FAM53A: variants seen among roughly 807,000 people sequenced by gnomAD.
FAM53A encodes protein FAM53A.
Under a neutral mutation model 26.6 loss-of-function variants are expected in FAM53A, and 28 were observed. That is an observed-to-expected ratio of 1.05 (90% CI 0.78 to 1.45). The LOEUF (loss-of-function observed/expected upper bound fraction) is 1.45, where lower values mean the gene tolerates loss of function less well. Ranked by LOEUF, FAM53A falls within the 40% of genes most tolerant of loss-of-function variation. The pLI is 0.00. For missense variants in FAM53A, 650 were observed against 575.8 expected, an observed-to-expected ratio of 1.13 and a Z score of -1.32; for synonymous variants, 290 against 253.1, an observed-to-expected ratio of 1.15 and a Z score of -1.38.
the FAM53A span, among the ~76,000 whole-genome samples, chr4:1,594,914 G>A: frequency 6.6e-6 from 1 of 152,236 alleles, no homozygotes; most frequent in African/African-American, 2.4e-5. Flanking sequence ...ATTGCCGCCA[G>A]GAAGGAGCTC....
chr4:1,602,480 G>A, the FAM53A span, among the ~76,000 whole-genome samples: 4 of 152,222 alleles, frequency 2.6e-5, no homozygotes, highest in South Asian at 2.1e-4. Context: ...TAAATGAATC[G>A]CTGACCTTTC....
chr4:1,619,426 C>T (rs1277777110), intron 1 of FAM53A, among the ~76,000 whole-genome samples: 3 of 152,210 alleles, frequency 2.0e-5, no homozygotes, highest in Non-Finnish European at 4.4e-5. Flanking sequence ...GCCTGGGCTC[C>T]CTTGCCCAGC....
downstream of FAM53A, among the ~76,000 whole-genome samples, chr4:1,617,659 A>G (rs772172760): frequency 1.3e-5 from 2 of 151,884 alleles, no homozygotes; most frequent in Admixed American, 6.6e-5. Context: ...CACTGTTTCC[A>G]TTTCTGTTCC....
At chr4:1,651,889 A>G (rs1020726500) in intron 4 of FAM53A, among the ~76,000 whole-genome samples, 4 of 152,092 alleles carry the variant, frequency 2.6e-5, no homozygotes, top group Middle Eastern at 3.4e-3. Flanking sequence ...TCACGGCTCC[A>G]GTTCCCACAC....
chr4:1,657,552 G>A (rs1460986035), intron 2 of FAM53A, 84 bp from the exon 3 acceptor site: 29 of 1,122,120 alleles, frequency 2.6e-5, no homozygotes, highest in Non-Finnish European at 3.4e-5. Flanking sequence ...ACTGCAGCAC[G>A]TTCTACCTTT....
At chr4:1,614,992 C>T (rs962867230), downstream of FAM53A, among the ~76,000 whole-genome samples, 11 of 152,252 alleles carry the variant, frequency 7.2e-5, no homozygotes, top group Non-Finnish European at 1.3e-4. Context: ...ACATGGCACA[C>T]GCAAACCACA....
chr4:1,644,242 A>C, intron 4 of FAM53A: 1 of 1,536,028 alleles, frequency 6.5e-7, no homozygotes, highest in Non-Finnish European at 8.7e-7. Flanking sequence ...GTTTTCATTC[A>C]GAGTCGACCC....
At chr4:1,682,131 T>G (rs1254420709) in intron 1 of FAM53A, among the ~76,000 whole-genome samples, 1 of 152,210 alleles carries the variant, frequency 6.6e-6, no homozygotes, top group Non-Finnish European at 1.5e-5. Context: ...ATGTGAGAGT[T>G]CCTGAGTCCC....
At chr4:1,574,604 CCT>C in the FAM53A span, 2 of 152,416 alleles carry the variant, frequency 1.3e-5, no homozygotes, top group Non-Finnish European at 2.9e-5. Context: ...TGCCCCCACG[CCT>C]CTCTTCCTCT....
downstream of FAM53A, among the ~76,000 whole-genome samples, chr4:1,616,750 G>A (rs144173698): frequency 2.9e-3 from 439 of 152,346 alleles, 3 homozygotes; most frequent in African/African-American, 0.01. Context: ...GCTTCGGTCT[G>A]TCCCGCGGAG....
the FAM53A span, among the ~76,000 whole-genome samples, chr4:1,612,624 C>G: frequency 6.6e-6 from 1 of 152,260 alleles, no homozygotes; most frequent in African/African-American, 2.4e-5. Context: ...CAGATGCATA[C>G]AAGCCTGGTG....
intron 4 of FAM53A, among the ~76,000 whole-genome samples, chr4:1,652,945 C>T (rs1171722054): frequency 6.6e-6 from 1 of 151,172 alleles, no homozygotes; most frequent in Non-Finnish European, 1.5e-5. Flanking sequence ...CCCCACCACA[C>T]ACATACCACA....
At chr4:1,590,634 A>G in the FAM53A span, among the ~76,000 whole-genome samples, 1 of 151,926 alleles carries the variant, frequency 6.6e-6, no homozygotes, top group Non-Finnish European at 1.5e-5. Context: ...ATCCGTTCCC[A>G]ATATTTGAAA....
chr4:1,648,645 C>A (rs1712456661), intron 4 of FAM53A, among the ~76,000 whole-genome samples: 1 of 152,164 alleles, frequency 6.6e-6, no homozygotes, highest in Admixed American at 6.5e-5. Context: ...AGCAAGCAGA[C>A]CAAAGCGGCT....
chr4:1,631,970 C>T (rs982339782), intron 1 of FAM53A, among the ~76,000 whole-genome samples: 2 of 152,234 alleles, frequency 1.3e-5, no homozygotes, highest in Admixed American at 6.5e-5. Flanking sequence ...TGAGACCAGC[C>T]TGGCCAACAT....
the FAM53A span, among the ~76,000 whole-genome samples, chr4:1,593,378 G>T: frequency 1.3e-5 from 2 of 152,130 alleles, no homozygotes; most frequent in South Asian, 2.1e-4. Flanking sequence ...CGAGTAGGGT[G>T]AGCTCAGGCC....
chr4:1,612,042 T>C, the FAM53A span, among the ~76,000 whole-genome samples: 5 of 152,342 alleles, frequency 3.3e-5, no homozygotes, highest in African/African-American at 1.2e-4. Flanking sequence ...TCTGTTTGCC[T>C]AAATGAGTTC....
chr4:1,639,545 G>A (rs1318534636), downstream of FAM53A, among the ~76,000 whole-genome samples: 1 of 152,154 alleles, frequency 6.6e-6, no homozygotes, highest in East Asian at 1.9e-4. Context: ...GAGGGCTCCT[G>A]ACCCCGGGCC....
At chr4:1,621,597 T>C (rs1715039917) in intron 1 of FAM53A, among the ~76,000 whole-genome samples, 1 of 152,032 alleles carries the variant, frequency 6.6e-6, no homozygotes, top group Non-Finnish European at 1.5e-5. Flanking sequence ...GCGAAGATGG[T>C]GAGGGAATCA....
Sources: gnomAD v4.1 joint callset for allele counts (sites outside exome capture counted in the v4.1 genomes callset) on GRCh38, gnomAD v4.1.1 for gene constraint, MANE v1.5 for transcripts, NCBI Gene and HGNC (gene_info 2026-07-23, HGNC 2026-07-21) for gene names.